The following PACRG variants were observed in gnomAD, a reference collection of about 807,000 sequenced individuals.
The protein encoded by PACRG is parkin coregulated, also known as parkin coregulated gene protein.
A neutral mutation model predicts 29.7 loss-of-function variants in PACRG; 29 were observed. The observed-to-expected ratio is 0.98, with a 90% CI of 0.73 to 1.33. The LOEUF is 1.33. Ranked by LOEUF, PACRG falls within the 40% of genes most tolerant of loss-of-function variation. PACRG has a pLI of 0.00. For missense variants in PACRG, 279 were observed against 316.2 expected (o/e 0.88, Z 0.89); for synonymous variants, 116 against 118.7 (o/e 0.98, Z 0.15).
In PACRG at chr6:162,789,012, A is replaced by G. The variant is rs545104682; in HGVS notation, c.157-25135A>G. ...TGATTGGAAATTGAACTCAGGCCACAGCCATGAAAATAATAAATCCTAACC... is the reference window on the plus strand; with the variant it reads ...TGATTGGAAATTGAACTCAGGCCACGGCCATGAAAATAATAAATCCTAACC... On this transcript the variant is annotated intron_variant, in intron 1 of 4. Coordinates refer to ENST00000366888, the MANE Select transcript of PACRG (RefSeq NM_001080379.2). 1.1e-3 allele frequency among the ~76,000 whole-genome samples: 162 copies of G among 152,328 alleles called. 1 individual carries two copies. The highest frequency in any genetic ancestry group is 6.8e-3 in the Middle Eastern group (2 of 294).
intron 4 of PACRG, among the ~76,000 whole-genome samples, chr6:163,210,008 C>A (rs1585335132): frequency 6.6e-6 from 1 of 152,288 alleles, no homozygotes; most frequent in South Asian, 2.1e-4. Flanking sequence ...TGTTGGGGGA[C>A]CTCAGTTCTC....
chr6:163,222,294 T>C (rs2128159623), intron 4 of PACRG, among the ~76,000 whole-genome samples: 1 of 152,302 alleles, frequency 6.6e-6, no homozygotes, highest in South Asian at 2.1e-4. Flanking sequence ...CTGGCGATGC[T>C]GTGAGGGTGC....
intron 2 of PACRG, among the ~76,000 whole-genome samples, chr6:162,999,297 C>G (rs1804371415): frequency 1.3e-5 from 2 of 152,150 alleles, no homozygotes; most frequent in Admixed American, 1.3e-4. Context: ...GAATGCAAAT[C>G]CTAGCTCTGG....
At chr6:162,847,650 G>A (rs1790516814) in intron 2 of PACRG, among the ~76,000 whole-genome samples, 1 of 151,686 alleles carries the variant, frequency 6.6e-6, no homozygotes, top group South Asian at 2.1e-4. Context: ...CAGGAAGGAA[G>A]CATCACCCGA....
At chr6:163,156,566 A>C (rs1778327778) in intron 4 of PACRG, among the ~76,000 whole-genome samples, 1 of 152,076 alleles carries the variant, frequency 6.6e-6, no homozygotes, top group African/African-American at 2.4e-5. Context: ...CTCCCACTTC[A>C]GTCCTCCCCA....
At chr6:163,159,429 G>A (rs1018796636) in intron 4 of PACRG, among the ~76,000 whole-genome samples, 1 of 151,500 alleles carries the variant, frequency 6.6e-6, no homozygotes, top group African/African-American at 2.4e-5. Context: ...GTGCTGTAAA[G>A]GAAGAGTTAT....
intron 2 of PACRG, among the ~76,000 whole-genome samples, chr6:162,964,946 A>C (rs1015522788): frequency 6.6e-6 from 1 of 152,184 alleles, no homozygotes; most frequent in Non-Finnish European, 1.5e-5. Flanking sequence ...TTTGTACTGT[A>C]GTTATGTATC....
At chr6:163,071,679 A>G (rs577994671) in intron 3 of PACRG, among the ~76,000 whole-genome samples, 1 of 149,566 alleles carries the variant, frequency 6.7e-6, no homozygotes, top group East Asian at 2.0e-4. Context: ...AAAAGAAATA[A>G]TAAAGACCAG....
intron 2 of PACRG, among the ~76,000 whole-genome samples, chr6:162,870,268 C>T (rs6936963): frequency 0.11 from 16,281 of 152,246 alleles, 1,223 homozygotes; most frequent in African/African-American, 0.21. Context: ...TGAAGAGAAT[C>T]ATTCTACTAG....
chr6:163,140,169 G>A (rs1455805511), intron 4 of PACRG, among the ~76,000 whole-genome samples: 4 of 152,188 alleles, frequency 2.6e-5, no homozygotes, highest in East Asian at 3.8e-4. Context: ...TACGAAGCAC[G>A]CAGCAATGAT....
intron 2 of PACRG, among the ~76,000 whole-genome samples, chr6:162,982,463 A>G (rs1354756773): frequency 1.3e-5 from 2 of 150,278 alleles, no homozygotes; most frequent in Non-Finnish European, 3.0e-5. Context: ...CCTCTTGGCA[A>G]CACTTTTGCT....
intron 1 of PACRG, among the ~76,000 whole-genome samples, chr6:162,763,200 T>C (rs1185646619): frequency 2.0e-5 from 3 of 152,198 alleles, no homozygotes; most frequent in Admixed American, 6.5e-5. Context: ...AGAGAGAACA[T>C]AAAATGATTA....
At chr6:162,832,431 C>T (rs559078334) in intron 2 of PACRG, among the ~76,000 whole-genome samples, 1 of 152,250 alleles carries the variant, frequency 6.6e-6, no homozygotes, top group African/African-American at 2.4e-5. Flanking sequence ...CTTATCAGTG[C>T]TCCAATCTGT....
chr6:162,809,407 T>A (rs2128353296), intron 1 of PACRG, among the ~76,000 whole-genome samples: 1 of 152,340 alleles, frequency 6.6e-6, no homozygotes, highest in African/African-American at 2.4e-5. Context: ...TCACCATGGA[T>A]TATTTTGTAA....
At chr6:163,280,000 A>C (rs1232423724) in intron 4 of PACRG, among the ~76,000 whole-genome samples, 1 of 152,114 alleles carries the variant, frequency 6.6e-6, no homozygotes. Context: ...CATCCTTTGC[A>C]CTGGAAGCTT....
chr6:162,992,937 T>G (rs1171343806), intron 2 of PACRG, among the ~76,000 whole-genome samples: 3 of 151,992 alleles, frequency 2.0e-5, no homozygotes, highest in Non-Finnish European at 2.9e-5. Context: ...TCTGGTATGT[T>G]GTGTCTCTGT....
rs542089016 is a variant in PACRG at position 162,941,986 on chromosome 6, C to G, written c.292-120164C>G. Among the ~76,000 whole-genome samples the G allele has an allele frequency of 2.6e-5, 4 of 152,306 alleles. No individual in the cohort carries two copies. In the South Asian group the frequency reaches 8.3e-4, roughly 32 times the overall value. ...TCACCCTCTCACTAGCTGCCAGATT[C>G]AAATCCCAAGCTGCTATTCTTTTCC... On this transcript the variant is annotated intron_variant, in intron 2 of 4. Transcript: ENST00000366888.
intron 2 of PACRG, among the ~76,000 whole-genome samples, chr6:163,041,206 G>A (rs563242686): frequency 9.2e-5 from 14 of 152,144 alleles, no homozygotes; most frequent in Non-Finnish European, 1.2e-4. Context: ...GCGTGGTGGC[G>A]GGCGCCTGTA....
At chr6:163,196,616 C>T (rs1780461641) in intron 4 of PACRG, among the ~76,000 whole-genome samples, 1 of 152,210 alleles carries the variant, frequency 6.6e-6, no homozygotes, top group Non-Finnish European at 1.5e-5. Context: ...TGACAGAATT[C>T]AGTGAGACTT....
Sources: gnomAD v4.1 joint callset for allele counts (sites outside exome capture counted in the v4.1 genomes callset) on GRCh38, gnomAD v4.1.1 for gene constraint, MANE v1.5 for transcripts, NCBI Gene and HGNC (gene_info 2026-07-23, HGNC 2026-07-21) for gene names.